Variants in PARP1 observed in about 807,000 individuals in gnomAD.
PARP1 encodes the protein poly [ADP-ribose] polymerase 1.
In PARP1, 44 loss-of-function variants were observed where a neutral mutation model predicts 118.7. The ratio of observed to expected loss-of-function variants is 0.37; its 90% CI spans 0.29 to 0.48. The LOEUF (loss-of-function observed/expected upper bound fraction) is 0.48. Among genes scored for constraint, PARP1 ranks in the 20% least tolerant of loss-of-function variants. The pLI is 0.99. For synonymous variants in PARP1, 492 were observed against 483.2 expected, an observed-to-expected ratio of 1.02 and a Z score of -0.24; for missense variants, 1,100 against 1,272.4, an observed-to-expected ratio of 0.86 and a Z score of 2.06.
chr1:226,363,888 C>T (rs2102726121), intron 20 of PARP1, 55 bp downstream of exon 20: 1 of 1,601,406 alleles, frequency 6.2e-7, no homozygotes, highest in Non-Finnish European at 8.5e-7. Context: ...CTGCCTATAG[C>T]CCATTCCACC....
intron 2 of PARP1, among the ~76,000 whole-genome samples, chr1:226,396,302 C>T (rs569754128): frequency 1.9e-4 from 29 of 151,848 alleles, no homozygotes; most frequent in African/African-American, 6.5e-4. Context: ...GCCATGATTG[C>T]GCCACTGTAC....
chr1:226,392,907 T>C, intron 2 of PARP1: 1 of 1,564,680 alleles, frequency 6.4e-7, no homozygotes, highest in South Asian at 1.2e-5. Context: ...CCAGGTTGAA[T>C]GTTTCTTGCC....
chr1:226,393,018 G>C, intron 2 of PARP1: 1 of 1,511,254 alleles, frequency 6.6e-7, no homozygotes, highest in East Asian at 2.5e-5. Flanking sequence ...GAAACACAAG[G>C]TGTAAGTTTG....
At chr1:226,364,500 A>G (rs1461611091) in intron 19 of PARP1, 2 of 309,328 alleles carry the variant, frequency 6.5e-6, no homozygotes, top group Non-Finnish European at 1.3e-5. Flanking sequence ...ACTACTGCAC[A>G]GCCCCAGAGA....
At chr1:226,404,443 A>C (rs1028238896) in intron 1 of PARP1, among the ~76,000 whole-genome samples, 1 of 152,182 alleles carries the variant, frequency 6.6e-6, no homozygotes, top group Non-Finnish European at 1.5e-5. Context: ...GCAATGTTCC[A>C]GTTACCCTTG....
Position 226,407,903 on chromosome 1 carries a change from A to G in PARP1, c.27T>C (p.Tyr9=), listed in dbSNP as rs1413110534. 1.2e-6 allele frequency: 2 copies of G among 1,612,238 alleles called. No homozygotes were observed. Among genetic ancestry groups the G allele is most frequent in the African/African-American group, 2.7e-5 (2 of 74,838 alleles). The change falls in exon 1 of 23, where the codon TAT becomes TAC. Residue 9 remains tyrosine, a synonymous_variant. Coordinates refer to ENST00000366794, the MANE Select transcript of PARP1 (RefSeq NM_001618.4). MAESSDKL[Y]RVEYAKSGRA... Reference sequence around the variant, plus strand: ...GCCCGCTCTTGGCGTACTCGACTCGATAGAGCTTATCCGAAGACTCCGCCA... The same window carrying G: ...GCCCGCTCTTGGCGTACTCGACTCGGTAGAGCTTATCCGAAGACTCCGCCA...
intron 17 of PARP1, chr1:226,366,543 C>G (rs1020221893): frequency 1.2e-5 from 2 of 161,314 alleles, no homozygotes; most frequent in African/African-American, 4.8e-5. Context: ...CTGAGTATTA[C>G]GGAGGAGACT....
chr1:226,401,648 T>G (rs1665039391), intron 2 of PARP1, among the ~76,000 whole-genome samples: 1 of 152,184 alleles, frequency 6.6e-6, no homozygotes, highest in Non-Finnish European at 1.5e-5. Context: ...ACCTCCTACC[T>G]CATTCCCCTC....
chr1:226,378,340 C>T (rs983869615), intron 12 of PARP1, among the ~76,000 whole-genome samples: 2 of 151,846 alleles, frequency 1.3e-5, no homozygotes, highest in Non-Finnish European at 2.9e-5. Context: ...GCCAGCCCAA[C>T]CTCTCACCAC....
At chr1:226,371,418 G>A (rs1664380524) in intron 14 of PARP1, among the ~76,000 whole-genome samples, 1 of 152,152 alleles carries the variant, frequency 6.6e-6, no homozygotes, top group Non-Finnish European at 1.5e-5. Flanking sequence ...GAACTGCTAT[G>A]GTGATAAAAT....
chr1:226,405,364 C>T (rs1254786166), intron 1 of PARP1, among the ~76,000 whole-genome samples: 2 of 151,998 alleles, frequency 1.3e-5, no homozygotes, highest in Admixed American at 1.3e-4. Flanking sequence ...AGTGCAGTGG[C>T]ACTATCTCAG....
rs755002973 is a variant in PARP1, at chr1:226,365,988, G to GT, written c.2470dup (p.Thr824AsnfsTer7). The GT allele has an allele frequency of 5.8e-5, 93 of 1,612,774 alleles. No individual in the cohort carries two copies. The highest frequency in any genetic ancestry group is 7.9e-5 in the Non-Finnish European group (93 of 1,178,902). On this transcript the variant is annotated frameshift_variant, in exon 18 of 23. Transcript: ENST00000366794. LOFTEE classifies it high-confidence loss of function. ...TTCCAAGTCATACGCATTGTGTGTG[G>GT]TTGCATGAGTGTTCTTAACATACTT... is the stretch of plus-strand genomic sequence containing the variant.
At chr1:226,379,481 A>G in intron 11 of PARP1, 92 bp downstream of exon 11, 1 of 1,165,422 alleles carries the variant, frequency 8.6e-7, no homozygotes, top group Non-Finnish European at 1.3e-6. Context: ...ACACTGCCCC[A>G]GGTATGCTGC....
chr1:226,370,417 G>C lies in PARP1; in HGVS notation c.2154+17C>G, dbSNP rs1482757048. ...CAGAGGAGGGTTCCAGGAGGCCCCT[G>C]GTAGCCCTGTGCTTACCTGCTGGAC... On this transcript the variant is annotated intron_variant, in intron 15 of 22. Transcript: ENST00000366794. 6.2e-7 allele frequency: 1 copy of C among 1,601,846 alleles called. No individual in the cohort carries two copies. Among genetic ancestry groups the C allele is most frequent in the Admixed American group, 1.7e-5 (1 of 60,010 alleles).
intron 15 of PARP1, among the ~76,000 whole-genome samples, chr1:226,370,009 G>A (rs1229912741): frequency 1.3e-5 from 2 of 149,232 alleles, no homozygotes; most frequent in Non-Finnish European, 3.0e-5. Context: ...AAAATCTCAG[G>A]ATGCGAGACC....
At chr1:226,368,501 A>ACCCCTCCTC (rs995661647) in intron 15 of PARP1, among the ~76,000 whole-genome samples, 180 bp from the exon 16 acceptor site, 5 of 151,948 alleles carry the variant, frequency 3.3e-5, no homozygotes, top group Admixed American at 1.3e-4. Flanking sequence ...GCAGGGCAGG[A>ACCCCTCCTC]CCCCCATCCT....
chr1:226,377,059 T>G, intron 13 of PARP1, 49 bp downstream of exon 13: 1 of 1,483,858 alleles, frequency 6.7e-7, no homozygotes, highest in Non-Finnish European at 9.4e-7. Context: ...GAATAAGGTG[T>G]CCCTTCCTTT....
In PARP1 at chr1:226,402,229, C is replaced by T; in HGVS notation, c.271G>A (p.Ala91Thr). ...DQQKVKKTAE[A>T]GGVTGKGQDG... ...ATGTACACACCTGTCACTCCTCCAGCTTCCGCTGTCTTCTTGACTTTCTGC... is the reference window on the plus strand; with the variant it reads ...ATGTACACACCTGTCACTCCTCCAGTTTCCGCTGTCTTCTTGACTTTCTGC... Residue 91 changes from alanine to threonine, a missense_variant, in exon 2 of 23, where the codon GCT (alanine) becomes ACT (threonine). Ala to Thr is a moderately conservative substitution (Grantham distance 58). This residue lies in a region of PARP1 where 948 missense variants were observed against 1,031.8 expected (regional missense o/e 0.92). Coordinates refer to ENST00000366794, the MANE Select transcript of PARP1 (RefSeq NM_001618.4). The T allele has an allele frequency of 6.2e-7, 1 of 1,614,218 alleles. No homozygotes were observed. Among genetic ancestry groups the T allele is most frequent in the Non-Finnish European group, 8.5e-7 (1 of 1,180,044 alleles).
At chr1:226,380,955 ATGT>A (rs1490523057) in intron 9 of PARP1, 110 bp downstream of exon 9, 15 of 1,172,552 alleles carry the variant, frequency 1.3e-5, no homozygotes, top group South Asian at 2.5e-5. Context: ...AGCGATGATG[ATGT>A]TAAGATCCAG....
Sources: allele counts gnomAD v4.1 joint callset (sites outside exome capture counted in the v4.1 genomes callset), GRCh38; gene constraint gnomAD v4.1.1; regional missense constraint gnomAD v4.1.1; transcripts MANE v1.5; gene names NCBI Gene and HGNC (gene_info 2026-07-23, HGNC 2026-07-21).